CCSER1: variants seen among roughly 807,000 people sequenced by gnomAD.
CCSER1 encodes coiled-coil serine rich protein 1.
In CCSER1, 41 loss-of-function variants were observed where a neutral mutation model predicts 82.0. The ratio of observed to expected loss-of-function variants is 0.50; its 90% CI spans 0.39 to 0.65. The LOEUF (loss-of-function observed/expected upper bound fraction) is 0.65, where lower values mean the gene tolerates loss of function less well. Among genes scored for constraint, CCSER1 ranks in the 30% least tolerant of loss-of-function variants. CCSER1 has a pLI of 0.00. For missense variants in CCSER1, 1,119 were observed against 1,064.2 expected, an observed-to-expected ratio of 1.05 and a Z score of -0.72; for synonymous variants, 414 against 383.9, an observed-to-expected ratio of 1.08 and a Z score of -0.92.
At chr4:90,894,867 A>G (rs1723479049) in intron 8 of CCSER1, among the ~76,000 whole-genome samples, 1 of 152,002 alleles carries the variant, frequency 6.6e-6, no homozygotes, top group Non-Finnish European at 1.5e-5. Flanking sequence ...GGGAAGTTCA[A>G]TTTAATTGGC....
chr4:90,878,958 A>G (rs1275530004), intron 8 of CCSER1, among the ~76,000 whole-genome samples: 1 of 152,168 alleles, frequency 6.6e-6, no homozygotes, highest in African/African-American at 2.4e-5. Flanking sequence ...AGAAATGTCC[A>G]TTTCATTTCC....
At chr4:91,012,709 A>AGTCCCTCAGGACT (rs1554056698) in intron 9 of CCSER1, among the ~76,000 whole-genome samples, 1 of 137,464 alleles carries the variant, frequency 7.3e-6, no homozygotes, top group African/African-American at 2.4e-5. Flanking sequence ...TCCAACTCTA[A>AGTCCCTCAGGACT]GATAATGTAG....
chr4:91,004,238 G>A (rs1238474453), intron 9 of CCSER1, among the ~76,000 whole-genome samples: 1 of 152,090 alleles, frequency 6.6e-6, no homozygotes, highest in Non-Finnish European at 1.5e-5. Flanking sequence ...CTTGCCTCCA[G>A]TCCACCGTAA....
At chr4:90,349,982 T>G (rs1743134517) in intron 3 of CCSER1, among the ~76,000 whole-genome samples, 1 of 152,138 alleles carries the variant, frequency 6.6e-6, no homozygotes, top group African/African-American at 2.4e-5. Flanking sequence ...GATAAACAGT[T>G]CTGCATCTTT....
chr4:91,095,572 G>A (rs77633850), intron 10 of CCSER1, among the ~76,000 whole-genome samples: 1,524 of 152,126 alleles, frequency 0.01, 38 homozygotes, highest in African/African-American at 0.035. Flanking sequence ...GATTTCCTCC[G>A]GATATCTTCC....
intron 1 of CCSER1, among the ~76,000 whole-genome samples, chr4:90,249,091 A>G (rs1178102186): frequency 6.6e-6 from 1 of 152,068 alleles, no homozygotes; most frequent in Non-Finnish European, 1.5e-5. Context: ...CATTTGTGGC[A>G]AAGACATGGC....
chr4:91,162,477 A>G (rs186264925), intron 10 of CCSER1, among the ~76,000 whole-genome samples: 66 of 152,124 alleles, frequency 4.3e-4, no homozygotes, highest in African/African-American at 1.5e-3. Flanking sequence ...CTCTTTTTCT[A>G]TTGATTGGAA....
intron 10 of CCSER1, among the ~76,000 whole-genome samples, chr4:91,422,818 C>G (rs1037065485): frequency 6.6e-6 from 1 of 152,104 alleles, no homozygotes; most frequent in Non-Finnish European, 1.5e-5. Context: ...TTTAAAACAG[C>G]AGGTATAGCT....
At chr4:91,585,888 A>G (rs1333431999) in intron 10 of CCSER1, among the ~76,000 whole-genome samples, 3 of 151,720 alleles carry the variant, frequency 2.0e-5, no homozygotes, top group Non-Finnish European at 4.4e-5. Flanking sequence ...GAAATTCAGT[A>G]GGAAGGTATT....
intron 10 of CCSER1, among the ~76,000 whole-genome samples, chr4:91,160,735 ATGTTGTTGT>A (rs142047956): frequency 6.6e-6 from 1 of 151,672 alleles, no homozygotes; most frequent in African/African-American, 2.4e-5. Context: ...CCACTTTTTG[ATGTTGTTGT>A]TGTTGTTGTT....
At chr4:91,119,762 T>G (rs1204874568) in intron 10 of CCSER1, among the ~76,000 whole-genome samples, 2 of 152,008 alleles carry the variant, frequency 1.3e-5, no homozygotes, top group Non-Finnish European at 2.9e-5. Flanking sequence ...GACAAGTATG[T>G]AGATAGATGA....
At chr4:90,402,706 C>G (rs188687181) in intron 4 of CCSER1, among the ~76,000 whole-genome samples, 3 of 152,076 alleles carry the variant, frequency 2.0e-5, no homozygotes, top group African/African-American at 7.2e-5. Context: ...ACCACAATGA[C>G]GAGAAAATAA....
intron 10 of CCSER1, among the ~76,000 whole-genome samples, chr4:91,089,579 T>C (rs559111973): frequency 2.6e-5 from 4 of 152,246 alleles, no homozygotes; most frequent in African/African-American, 9.6e-5. Flanking sequence ...AATAGATTGA[T>C]AGTGATTCAT....
intron 10 of CCSER1, among the ~76,000 whole-genome samples, chr4:91,512,158 C>A (rs1000846956): frequency 2.6e-5 from 4 of 152,116 alleles, no homozygotes; most frequent in African/African-American, 9.7e-5. Flanking sequence ...ACGCAATGTA[C>A]CGTTTTTGGG....
At chr4:91,280,514 G>T (rs894681789) in intron 10 of CCSER1, among the ~76,000 whole-genome samples, 13 of 152,170 alleles carry the variant, frequency 8.5e-5, no homozygotes, top group African/African-American at 2.9e-4. Flanking sequence ...TAAGTACACA[G>T]GTGCTGAGAG....
intron 1 of CCSER1, among the ~76,000 whole-genome samples, chr4:90,201,328 A>T (rs1419249604): frequency 6.6e-6 from 1 of 152,128 alleles, no homozygotes; most frequent in Non-Finnish European, 1.5e-5. Flanking sequence ...CTTAAAGAAC[A>T]TGCTGTAGTG....
At chr4:90,985,005 G>A (rs200393794) in intron 9 of CCSER1, among the ~76,000 whole-genome samples, 1 of 151,746 alleles carries the variant, frequency 6.6e-6, no homozygotes, top group South Asian at 2.1e-4. Flanking sequence ...CAGGAAAGGC[G>A]AAGGCAGAAT....
At chr4:90,140,975 T>C (rs1055304048) in intron 1 of CCSER1, among the ~76,000 whole-genome samples, 1 of 151,906 alleles carries the variant, frequency 6.6e-6, no homozygotes, top group African/African-American at 2.4e-5. Flanking sequence ...TTGGTCTACT[T>C]TTTTAGAATG....
chr4:90,989,080 T>C (rs949111298), intron 9 of CCSER1, among the ~76,000 whole-genome samples: 2 of 151,822 alleles, frequency 1.3e-5, no homozygotes, highest in African/African-American at 4.8e-5. Context: ...TACAGTTTGC[T>C]AAGGCTTTGA....
Sources: gnomAD v4.1 joint callset for allele counts (sites outside exome capture counted in the v4.1 genomes callset) on GRCh38, gnomAD v4.1.1 for gene constraint, MANE v1.5 for transcripts, NCBI Gene and HGNC (gene_info 2026-07-23, HGNC 2026-07-21) for gene names.